USH2A: variants seen among roughly 807,000 people sequenced by gnomAD.
USH2A encodes the protein usherin, also known as Usher syndrome 2A (autosomal recessive, mild).
In USH2A, 443 loss-of-function variants were observed where a neutral mutation model predicts 538.9. The ratio of observed to expected loss-of-function variants is 0.82; its 90% CI spans 0.76 to 0.89. The LOEUF (loss-of-function observed/expected upper bound fraction) is 0.89, where lower values mean the gene tolerates loss of function less well. Ranked by LOEUF, USH2A falls within the 40% of genes least tolerant of loss-of-function variation. The pLI is 0.00. For missense variants in USH2A, 6,633 were observed against 6,324.8 expected, an observed-to-expected ratio of 1.05 and a Z score of -1.65; for synonymous variants, 2,413 against 2,273.5, an observed-to-expected ratio of 1.06 and a Z score of -1.75.
intron 38 of USH2A, chr1:215,901,118 G>C: frequency 1.6e-6 from 1 of 614,782 alleles, no homozygotes; most frequent in Non-Finnish European, 2.8e-6. Flanking sequence ...AGTCTTAAAA[G>C]CCGGCCCCCA....
At chr1:216,184,286 C>T (rs1572028287) in intron 20 of USH2A, among the ~76,000 whole-genome samples, 1 of 152,154 alleles carries the variant, frequency 6.6e-6, no homozygotes, top group South Asian at 2.1e-4. Context: ...TTCATTTCAG[C>T]TCGCCTCTGC....
intron 49 of USH2A, among the ~76,000 whole-genome samples, 183 bp from the exon 50 acceptor site, chr1:215,799,308 T>C (rs904068526): frequency 6.6e-6 from 1 of 152,228 alleles, no homozygotes; most frequent in Non-Finnish European, 1.5e-5. Context: ...TATAAACGTG[T>C]GTCAGATCAG....
rs573491858 is a variant in USH2A at position 216,317,362 on chromosome 1, T to G, written c.1644+4521A>C. Among the ~76,000 whole-genome samples, 148 of 151,966 alleles carry G rather than the reference T, an allele frequency of 9.7e-4. 1 individual carries two copies. Among genetic ancestry groups the G allele is most frequent in the African/African-American group, 3.5e-3 (143 of 41,440 alleles). ...AATTATGAGAACACATGGACACATG[T>G]CGGGGAACAACACACATTGGGGCCT... On this transcript the variant is annotated intron_variant, in intron 9 of 71. Coordinates refer to ENST00000307340, the MANE Select transcript of USH2A (RefSeq NM_206933.4).
At chr1:216,047,908 C>T (rs1326899616) in intron 31 of USH2A, among the ~76,000 whole-genome samples, 1 of 152,106 alleles carries the variant, frequency 6.6e-6, no homozygotes, top group Admixed American at 6.6e-5. Context: ...TTCACTTTGG[C>T]GTGCTAAAAT....
intron 44 of USH2A, among the ~76,000 whole-genome samples, chr1:215,851,187 C>A (rs1040932355): frequency 6.6e-6 from 1 of 151,870 alleles, no homozygotes; most frequent in East Asian, 1.9e-4. Context: ...AAAGAAATAA[C>A]CAAAATCAAA....
At chr1:216,373,874 C>T (rs905600926) in intron 3 of USH2A, among the ~76,000 whole-genome samples, 2 of 151,934 alleles carry the variant, frequency 1.3e-5, no homozygotes, top group Non-Finnish European at 2.9e-5. Flanking sequence ...CACCGATAGA[C>T]TGGATTAAGA....
chr1:215,705,977 G>A (rs777712397), intron 61 of USH2A, among the ~76,000 whole-genome samples: 12 of 152,140 alleles, frequency 7.9e-5, no homozygotes, highest in Non-Finnish European at 1.6e-4. Context: ...AACAATGAGT[G>A]CTTTTCAAGT....
intron 3 of USH2A, among the ~76,000 whole-genome samples, chr1:216,381,414 T>C (rs1303519657): frequency 6.6e-6 from 1 of 152,168 alleles, no homozygotes; most frequent in East Asian, 1.9e-4. Flanking sequence ...ATCGTGAGCA[T>C]AGTGTTTATT....
At chr1:216,220,885 AT>A (rs2035445474) in intron 14 of USH2A, among the ~76,000 whole-genome samples, 1 of 152,206 alleles carries the variant, frequency 6.6e-6, no homozygotes, top group South Asian at 2.1e-4. Flanking sequence ...TGAAGACATC[AT>A]TCAACATAAA....
At chr1:216,379,661 T>A (rs2038896217) in intron 3 of USH2A, among the ~76,000 whole-genome samples, 1 of 152,198 alleles carries the variant, frequency 6.6e-6, no homozygotes, top group African/African-American at 2.4e-5. Flanking sequence ...AGGATTTCTC[T>A]GAGGAACTAG....
intron 58 of USH2A, among the ~76,000 whole-genome samples, chr1:215,757,034 A>G (rs1048177160): frequency 2.6e-5 from 4 of 152,332 alleles, no homozygotes; most frequent in Admixed American, 1.3e-4. Flanking sequence ...ACAGCAGAAG[A>G]TATGTCTTTT....
chr1:216,371,214 C>A (rs2038708193), intron 3 of USH2A, among the ~76,000 whole-genome samples: 1 of 152,178 alleles, frequency 6.6e-6, no homozygotes, highest in Admixed American at 6.5e-5. Context: ...AATTTAATCC[C>A]TTTTCCATGT....
At chr1:215,912,491 G>GTATATATATA (rs1558157973) in intron 38 of USH2A, among the ~76,000 whole-genome samples, 264 of 17,290 alleles carry the variant, frequency 0.015, no homozygotes, top group Non-Finnish European at 0.031. Context: ...ATATATATAT[G>GTATATATATA]TGTATATATA....
chr1:216,091,652 C>T (rs1041399120), intron 22 of USH2A, among the ~76,000 whole-genome samples: 50 of 152,092 alleles, frequency 3.3e-4, no homozygotes, highest in African/African-American at 1.0e-3. Context: ...TCTATAGCCT[C>T]TACGTTGTAT....
intron 4 of USH2A, among the ~76,000 whole-genome samples, chr1:216,342,732 C>G (rs988825017): frequency 6.6e-6 from 1 of 152,086 alleles, no homozygotes; most frequent in African/African-American, 2.4e-5. Flanking sequence ...CAAACTAACA[C>G]AGAAACAGAA....
At chr1:215,957,245 G>A (rs1558181625) in intron 37 of USH2A, among the ~76,000 whole-genome samples, 2 of 152,168 alleles carry the variant, frequency 1.3e-5, no homozygotes, top group Middle Eastern at 3.4e-3. Context: ...TTCTCCCACA[G>A]TTTTTATTCC....
chr1:215,688,285 G>A (rs1558054875), intron 61 of USH2A, among the ~76,000 whole-genome samples: 2 of 152,086 alleles, frequency 1.3e-5, no homozygotes, highest in African/African-American at 4.8e-5. Flanking sequence ...GGGTGATGGA[G>A]AGAAGAATGG....
At position 216,084,853 on chromosome 1, in the gene USH2A, C is replaced by T. The variant is rs727505116; in HGVS notation, c.5012G>A (p.Gly1671Asp). The T allele has an allele frequency of 3.2e-5, 51 of 1,613,148 alleles. No homozygotes were observed. The South Asian group carries it at 5.6e-4, about 18-fold the overall frequency. The stretch of plus-strand genomic sequence containing the variant: ...CATAAAATGTACATCCTTGAGACAG[C>T]CCACAAAACCTTTTTGGATTATCTC... ...DPEIIQKGFVGCLKDVHFMKN... is the reference protein window; with the variant it reads ...DPEIIQKGFVDCLKDVHFMKN... Residue 1671 changes from glycine to aspartate, a missense_variant, in exon 25 of 72, where the codon GGC (glycine) becomes GAC (aspartate). Gly to Asp is a moderately conservative substitution (Grantham distance 94). Transcript: ENST00000307340.
In USH2A at chr1:215,866,625, T is replaced by C. The variant is rs2147912; in HGVS notation, c.8845+382A>G. Among the ~76,000 whole-genome samples the C allele has an allele frequency of 0.44, 66,885 of 152,030 alleles. 14,952 individuals are homozygous for C. Among genetic ancestry groups the C allele is most frequent in the Admixed American group, 0.55 (8,327 of 15,272 alleles). ...CTGAAGGAAGGTGAACAATAGTACA[T>C]TGTATCCAATTAATACATGGACATG... On this transcript the variant is annotated intron_variant, in intron 44 of 71. Transcript: ENST00000307340.
Sources: allele counts gnomAD v4.1 joint callset (sites outside exome capture counted in the v4.1 genomes callset), GRCh38; gene constraint gnomAD v4.1.1; transcripts MANE v1.5; gene names NCBI Gene and HGNC (gene_info 2026-07-23, HGNC 2026-07-21).